Variants in BEAN1 observed in about 807,000 individuals in gnomAD.
BEAN1 encodes the protein protein BEAN1.
A neutral mutation model predicts 17.7 loss-of-function variants in BEAN1; 17 were observed. The observed-to-expected ratio is 0.96, with a 90% CI of 0.66 to 1.44. BEAN1 has a LOEUF of 1.44. Among genes scored for constraint, BEAN1 ranks in the 40% most tolerant of loss-of-function variants. The pLI is 0.00. For synonymous variants in BEAN1, 142 were observed against 151.8 expected (o/e 0.94, Z 0.47); for missense variants, 359 against 374.1 (o/e 0.96, Z 0.33).
intron 2 of BEAN1, among the ~76,000 whole-genome samples, chr16:66,441,739 C>T (rs952901836): frequency 1.2e-4 from 18 of 152,176 alleles, no homozygotes; most frequent in Middle Eastern, 3.2e-3. Context: ...GTGAGCGGCA[C>T]CAGCCCACCT....
chr16:66,453,276 C>T (rs910552890), intron 2 of BEAN1, among the ~76,000 whole-genome samples: 7 of 152,044 alleles, frequency 4.6e-5, no homozygotes, highest in Non-Finnish European at 8.8e-5. Context: ...GAATTTCCCA[C>T]TAAGCATTGC....
rs1964021721 is a variant in BEAN1 at position 66,482,671 on chromosome 16, A to C, written c.*1746A>C. 2 of 363,738 alleles carry C rather than the reference A, an allele frequency of 5.5e-6. No homozygotes were observed. The highest frequency in any genetic ancestry group is 1.1e-5 in the Non-Finnish European group (2 of 187,530). 22.5% of individuals were successfully genotyped at this position (363,738 alleles called of 1,614,324 possible). A position where few individuals can be genotyped will look rare whatever the true frequency, so the allele number is the denominator to read the frequency against. The stretch of plus-strand genomic sequence containing the variant: ...GCAATTCCAGAGAGTGCTGGGGGAA[A>C]AAAAGGGATAAAAATTCCTACCTAC... On this transcript the variant is annotated 3_prime_UTR_variant, in exon 5 of 5. Transcript: ENST00000536005.
At chr16:66,448,229 T>TTGTTTG (rs66527824) in intron 2 of BEAN1, among the ~76,000 whole-genome samples, 35 of 151,298 alleles carry the variant, frequency 2.3e-4, no homozygotes, top group Non-Finnish European at 4.9e-4. Context: ...GTTGTTGTTG[T>TTGTTTG]TTGTTGTTGT....
intron 4 of BEAN1, among the ~76,000 whole-genome samples, chr16:66,490,218 TAAA>T (rs774079713): frequency 8.7e-4 from 38 of 43,634 alleles, no homozygotes; most frequent in African/African-American, 2.8e-3. Context: ...CCATCTCTAC[TAAA>T]AAAAAAAAAA....
At chr16:66,493,526 T>C in exon 5 of BEAN1, 1 of 586,220 alleles carries the variant, frequency 1.7e-6, no homozygotes, top group Non-Finnish European at 3.0e-6. Flanking sequence ...CTGGATGCCC[T>C]GGTTTCCCAA....
intron 2 of BEAN1, among the ~76,000 whole-genome samples, chr16:66,460,473 T>TAC (rs1963041000): frequency 6.6e-6 from 1 of 152,206 alleles, no homozygotes; most frequent in African/African-American, 2.4e-5. Context: ...TACCCAGAGA[T>TAC]AGAACAGATA....
In BEAN1 at chr16:66,480,741, C is replaced by A; in HGVS notation, c.596C>A (p.Thr199Asn). 1 of 1,551,606 alleles carries A rather than the reference C, an allele frequency of 6.4e-7. No individual in the cohort carries two copies. The highest frequency in any genetic ancestry group is 8.7e-7 in the Non-Finnish European group (1 of 1,146,956). Residue 199 changes from threonine to asparagine, a missense_variant, in exon 5 of 5, where the codon ACC (threonine) becomes AAC (asparagine). By Grantham distance (65) the Thr-to-Asn change is moderately conservative (BLOSUM62 0). Transcript: ENST00000536005. Reference protein sequence around the residue: ...SPGRHQQEQRTPAQGGLHTVS... With the variant: ...SPGRHQQEQRNPAQGGLHTVS... ...GGCCGACACCAGCAGGAGCAGAGGA[C>A]CCCGGCCCAAGGTGGCCTTCACACG... is the stretch of plus-strand genomic sequence containing the variant.
chr16:66,448,226 T>C (rs1296847220), intron 2 of BEAN1, among the ~76,000 whole-genome samples: 1 of 93,534 alleles, frequency 1.1e-5, no homozygotes, highest in Non-Finnish European at 2.2e-5. Context: ...GTTGTTGTTG[T>C]TGTTTGTTGT....
At chr16:66,455,538 A>G (rs1478879315) in intron 2 of BEAN1, among the ~76,000 whole-genome samples, 2 of 152,174 alleles carry the variant, frequency 1.3e-5, no homozygotes, top group African/African-American at 4.8e-5. Flanking sequence ...CATGATTCTC[A>G]TGGTCTATGA....
chr16:66,467,267 T>G (rs1024846189), intron 2 of BEAN1, among the ~76,000 whole-genome samples: 22 of 152,180 alleles, frequency 1.4e-4, no homozygotes, highest in African/African-American at 5.1e-4. Flanking sequence ...CTGTATTAGT[T>G]CATTCTCACA....
intron 4 of BEAN1, among the ~76,000 whole-genome samples, chr16:66,491,844 G>A (rs549406931): frequency 4.6e-5 from 7 of 152,244 alleles, no homozygotes; most frequent in South Asian, 2.1e-4. Context: ...TTGTTTGCCC[G>A]CCACTCACCT....
At chr16:66,453,734 T>A (rs1345697261) in intron 2 of BEAN1, among the ~76,000 whole-genome samples, 1 of 151,698 alleles carries the variant, frequency 6.6e-6, no homozygotes, top group Non-Finnish European at 1.5e-5. Context: ...TAGTTTAATT[T>A]TTTTTTTTTG....
rs1964023922 is a variant in BEAN1 at position 66,482,743 on chromosome 16, G to T, written c.*1818G>T. 1 of 400,760 alleles carries T rather than the reference G, an allele frequency of 2.5e-6. No homozygotes were observed. The highest frequency in any genetic ancestry group is 2.1e-5 in the African/African-American group (1 of 47,608). The allele number at this position is 400,760 out of a possible 1,614,324, so 24.8% of individuals were successfully genotyped here. A position where few individuals can be genotyped will look rare whatever the true frequency, so the allele number is the denominator to read the frequency against. ...AGCTGAATAGCTTTTCTTGTTCCTG[G>T]ACTAGGCAATGAATAAGCAACAATG... On this transcript the variant is annotated 3_prime_UTR_variant, in exon 5 of 5. Transcript: ENST00000536005.
At chr16:66,475,100 C>T (rs1963681734) in intron 3 of BEAN1, among the ~76,000 whole-genome samples, 1 of 152,134 alleles carries the variant, frequency 6.6e-6, no homozygotes, top group South Asian at 2.1e-4. Context: ...GAGGTTTCAG[C>T]TTATGTGAAG....
chr16:66,434,528 C>T lies in BEAN1; in HGVS notation c.-82-3067C>T, dbSNP rs1221414500. 6.6e-6 allele frequency among the ~76,000 whole-genome samples: 1 copy of T among 152,136 alleles called. No individual in the cohort carries two copies. The highest frequency in any genetic ancestry group is 2.4e-5 in the African/African-American group (1 of 41,434). ...AGTCCAGCTCCTATTTTAGGACCCC[C>T]CAAAGTCCCTCCATGTGTTTTCCAA... On this transcript the variant is annotated intron_variant, in intron 1 of 4. Transcript: ENST00000536005. This position sits in a 1 kb window ranked among gnomAD's most constrained non-coding sequence, Gnocchi z 4.3.
At chr16:66,477,798 C>A in intron 4 of BEAN1, 88 bp downstream of exon 4, 1 of 1,350,790 alleles carries the variant, frequency 7.4e-7, no homozygotes, top group Admixed American at 3.0e-5. Flanking sequence ...AAGAGTGGCA[C>A]CTCTGCATGT....
rs1451694369 is a variant in BEAN1, at chr16:66,473,751, G to A, written c.290-3809G>A. ...AATAATAAATAAAGAGGGAGGGGCA[G>A]TGTACCAGTGAACCCCAACCTTTGG... On this transcript the variant is annotated intron_variant, in intron 3 of 4. Coordinates refer to ENST00000536005, the MANE Select transcript of BEAN1 (RefSeq NM_001178020.3). The surrounding 1 kb of genome is among the most constrained non-coding windows in gnomAD (Gnocchi z 4.5). Among the ~76,000 whole-genome samples the A allele has an allele frequency of 1.3e-5, 2 of 152,024 alleles. No homozygotes were observed. The highest frequency in any genetic ancestry group is 2.9e-5 in the Non-Finnish European group (2 of 68,006).
chr16:66,482,769 T>C lies in BEAN1; in HGVS notation c.*1844T>C. ...ACTAGGCAATGAATAAGCAACAATG[T>C]ATCTTTTCTGTGTTCAAAATAAATA... On this transcript the variant is annotated 3_prime_UTR_variant, in exon 5 of 5. Transcript: ENST00000536005. 2 of 430,078 alleles carry C rather than the reference T, an allele frequency of 4.7e-6. No homozygotes were observed. Among genetic ancestry groups the C allele is most frequent in the South Asian group, 3.4e-5 (2 of 58,980 alleles). The allele number at this position is 430,078 out of a possible 1,614,324, so 26.6% of individuals were successfully genotyped here. A position where few individuals can be genotyped will look rare whatever the true frequency, so the allele number is the denominator to read the frequency against.
chr16:66,461,569 GACACACACACACACAC>G (rs34246549), intron 2 of BEAN1, among the ~76,000 whole-genome samples: 410 of 140,902 alleles, frequency 2.9e-3, no homozygotes, highest in African/African-American at 9.5e-3. Context: ...GGCAGGCGCA[GACACACACACACACAC>G]ACACACACAC....
Sources: allele counts gnomAD v4.1 joint callset (sites outside exome capture counted in the v4.1 genomes callset), GRCh38; gene constraint gnomAD v4.1.1; non-coding constraint Gnocchi (gnomAD v3.1); transcripts MANE v1.5; gene names NCBI Gene and HGNC (gene_info 2026-07-23, HGNC 2026-07-21).